UMAD1: variants seen among roughly 807,000 people sequenced by gnomAD.
UMAD1 encodes the protein UBAP1-MVB12-associated (UMA)-domain containing protein 1.
A neutral mutation model predicts 6.1 loss-of-function variants in UMAD1; 8 were observed. That is an observed-to-expected ratio of 1.30 (90% CI 0.76 to 2.35). The LOEUF (loss-of-function observed/expected upper bound fraction) is 2.35. Ranked by LOEUF, UMAD1 falls within the 30% of genes most tolerant of loss-of-function variation. UMAD1 has a pLI of 0.00. For synonymous variants in UMAD1, 56 were observed against 31.4 expected (o/e 1.78, Z -2.61); for missense variants, 130 against 78.4 (o/e 1.66, Z -2.49).
intron 1 of UMAD1, among the ~76,000 whole-genome samples, chr7:7,655,677 A>G (rs1020340421): frequency 2.6e-5 from 4 of 152,246 alleles, no homozygotes; most frequent in Admixed American, 2.0e-4. Context: ...AATGGATGCT[A>G]TATATGTGTA....
intron 2 of UMAD1, among the ~76,000 whole-genome samples, chr7:7,740,024 AC>A (rs921913414): frequency 6.6e-6 from 1 of 152,220 alleles, no homozygotes; most frequent in African/African-American, 2.4e-5. Context: ...TATACAGTGA[AC>A]CCTTTTTCCC....
chr7:7,825,918 A>G (rs977610033), intron 3 of UMAD1, among the ~76,000 whole-genome samples: 7 of 152,162 alleles, frequency 4.6e-5, no homozygotes, highest in Non-Finnish European at 7.4e-5. Context: ...GGCACAGTAT[A>G]TGCATATAAC....
intron 2 of UMAD1, among the ~76,000 whole-genome samples, chr7:7,774,955 C>G (rs1782172598): frequency 6.6e-6 from 1 of 152,184 alleles, no homozygotes; most frequent in Admixed American, 6.5e-5. Context: ...CATCCCATTT[C>G]TTCTCTAACC....
chr7:7,693,815 A>G (rs1458328274), intron 2 of UMAD1, among the ~76,000 whole-genome samples: 4 of 152,200 alleles, frequency 2.6e-5, no homozygotes, highest in African/African-American at 7.2e-5. Flanking sequence ...AACTCTAATC[A>G]TATTAACACT....
At chr7:7,870,180 C>G (rs1282723634) in intron 3 of UMAD1, among the ~76,000 whole-genome samples, 13 of 152,036 alleles carry the variant, frequency 8.6e-5, no homozygotes, top group Non-Finnish European at 1.5e-5. Flanking sequence ...TAACAGCAAA[C>G]TTTATTTGTT....
intron 2 of UMAD1, among the ~76,000 whole-genome samples, chr7:7,709,251 A>T (rs567839890): frequency 6.6e-6 from 1 of 152,178 alleles, no homozygotes. Flanking sequence ...GCATGGGGTT[A>T]CTTTTAATAT....
At chr7:7,873,472 A>G (rs113578580) in intron 3 of UMAD1, among the ~76,000 whole-genome samples, 12 of 152,332 alleles carry the variant, frequency 7.9e-5, no homozygotes, top group South Asian at 4.1e-4. Flanking sequence ...GTGAGTCCCA[A>G]TTAGATTTCA....
At chr7:7,654,716 A>C (rs1785301322) in intron 1 of UMAD1, among the ~76,000 whole-genome samples, 1 of 152,138 alleles carries the variant, frequency 6.6e-6, no homozygotes, top group Non-Finnish European at 1.5e-5. Context: ...CAGCCTGGCC[A>C]ATATGGTGAA....
intron 2 of UMAD1, among the ~76,000 whole-genome samples, chr7:7,763,390 T>C (rs1313997636): frequency 6.6e-6 from 1 of 152,108 alleles, no homozygotes; most frequent in Non-Finnish European, 1.5e-5. Flanking sequence ...ACTCAATAAG[T>C]GGTTCTTCAG....
intron 3 of UMAD1, among the ~76,000 whole-genome samples, chr7:7,869,648 A>G (rs1784300598): frequency 6.6e-6 from 1 of 152,236 alleles, no homozygotes; most frequent in Admixed American, 6.5e-5. Context: ...GAAGCCAAAT[A>G]TAGATGACTT....
At chr7:7,682,150 G>A (rs1369204450) in intron 2 of UMAD1, among the ~76,000 whole-genome samples, 1 of 152,158 alleles carries the variant, frequency 6.6e-6, no homozygotes, top group African/African-American at 2.4e-5. Flanking sequence ...ATATGCAGGT[G>A]CTTCTTCAAG....
intron 3 of UMAD1, among the ~76,000 whole-genome samples, chr7:7,838,220 C>G (rs1215858014): frequency 6.6e-6 from 1 of 152,056 alleles, no homozygotes; most frequent in Non-Finnish European, 1.5e-5. Context: ...TTGTGTATTC[C>G]TCTTTGCACC....
At chr7:7,752,041 T>C (rs910176799) in intron 2 of UMAD1, among the ~76,000 whole-genome samples, 6 of 152,130 alleles carry the variant, frequency 3.9e-5, no homozygotes, top group Non-Finnish European at 7.4e-5. Context: ...AAGGGAGAAA[T>C]TATAGACTCC....
At position 7,878,876 on chromosome 7, in the gene UMAD1, CAT is replaced by C. The variant is rs1327834604; in HGVS notation, c.*1341_*1342del. On this transcript the variant is annotated 3_prime_UTR_variant, in exon 4 of 4. Transcript: ENST00000682710. ...ATGCTTCATTTACATATAATGTTAC[CAT>C]ATGGTGTTAATGATTAAATTAGATC... 3 of 152,012 alleles carry C rather than the reference CAT, an allele frequency of 2.0e-5. No homozygotes were observed. Among genetic ancestry groups the C allele is most frequent in the Admixed American group, 1.3e-4 (2 of 15,276 alleles). 9.4% of individuals were successfully genotyped at this position (152,012 alleles called of 1,614,324 possible). A position where few individuals can be genotyped will look rare whatever the true frequency, so the allele number is the denominator to read the frequency against.
chr7:7,855,579 AG>A (rs890573188), intron 3 of UMAD1, among the ~76,000 whole-genome samples: 1 of 151,898 alleles, frequency 6.6e-6, no homozygotes, highest in South Asian at 2.1e-4. Flanking sequence ...TGCACACAGC[AG>A]GGGGGGCCCT....
At chr7:7,813,446 C>T (rs1283892385) in intron 3 of UMAD1, among the ~76,000 whole-genome samples, 2 of 152,136 alleles carry the variant, frequency 1.3e-5, no homozygotes, top group Non-Finnish European at 2.9e-5. Context: ...CCTCATGATC[C>T]GCCTGCCTTG....
chr7:7,655,817 C>T (rs1003300219), intron 1 of UMAD1, among the ~76,000 whole-genome samples: 2 of 129,506 alleles, frequency 1.5e-5, no homozygotes, highest in Admixed American at 1.5e-4. Flanking sequence ...ATATTTAGGA[C>T]AGTCTCTCTC....
intron 2 of UMAD1, among the ~76,000 whole-genome samples, chr7:7,701,363 A>G (rs1780458818): frequency 6.6e-6 from 1 of 152,036 alleles, no homozygotes; most frequent in African/African-American, 2.4e-5. Context: ...TGCATTTGCT[A>G]GAAGAAAACA....
At chr7:7,671,451 A>G (rs1476847252) in intron 1 of UMAD1, among the ~76,000 whole-genome samples, 1 of 152,210 alleles carries the variant, frequency 6.6e-6, no homozygotes, top group East Asian at 1.9e-4. Flanking sequence ...TATCAGCTAT[A>G]TACCCTTTAT....
Sources: gnomAD v4.1 joint callset for allele counts (sites outside exome capture counted in the v4.1 genomes callset) on GRCh38, gnomAD v4.1.1 for gene constraint, MANE v1.5 for transcripts, NCBI Gene and HGNC (gene_info 2026-07-23, HGNC 2026-07-21) for gene names.